Variants in DGCR2 observed in about 807,000 individuals in gnomAD.
DGCR2 encodes integral membrane protein DGCR2/IDD.
DGCR2 carries 24 observed loss-of-function variants against 51.6 expected under a neutral mutation model. That is an observed-to-expected ratio of 0.47 (90% CI 0.34 to 0.65). The LOEUF (loss-of-function observed/expected upper bound fraction) is 0.65, where lower values mean the gene tolerates loss of function less well. Among genes scored for constraint, DGCR2 ranks in the 30% least tolerant of loss-of-function variants. The probability of loss-of-function intolerance (pLI) is 0.01; values close to 1 mark genes in which losing one functional copy is unlikely to be tolerated. For missense variants in DGCR2, 765 were observed against 772.1 expected, an observed-to-expected ratio of 0.99 and a Z score of 0.11; for synonymous variants, 340 against 315.4, an observed-to-expected ratio of 1.08 and a Z score of -0.82.
At chr22:19,093,303 T>G (rs1601276699) in intron 1 of DGCR2, among the ~76,000 whole-genome samples, 1 of 149,118 alleles carries the variant, frequency 6.7e-6, no homozygotes, top group East Asian at 2.0e-4. Context: ...GAGGTTGTGG[T>G]GAGCCGAGAT....
Position 19,062,741 on chromosome 22 carries a change from C to T in DGCR2, c.625+461G>A, listed in dbSNP as rs372749663. On this transcript the variant is annotated intron_variant, in intron 5 of 9. Coordinates refer to ENST00000263196, the MANE Select transcript of DGCR2 (RefSeq NM_005137.3). ...TCGTCTTGGTATTTCCAAGCAGCTC[C>T]GCATAAAATCTTTGCGCACACACAC... 4.1e-5 allele frequency among the ~76,000 whole-genome samples: 6 copies of T among 146,318 alleles called. No individual in the cohort carries two copies. The South Asian group carries it at 1.2e-3, about 28-fold the overall frequency.
chr22:19,102,080 C>T (rs113753756), intron 1 of DGCR2, among the ~76,000 whole-genome samples: 2,550 of 152,090 alleles, frequency 0.017, 74 homozygotes, highest in African/African-American at 0.059. Context: ...TGTGATCAGC[C>T]ATCAGCCATA....
At chr22:19,100,937 T>C (rs1382268216) in intron 1 of DGCR2, among the ~76,000 whole-genome samples, 1 of 151,076 alleles carries the variant, frequency 6.6e-6, no homozygotes, top group East Asian at 2.0e-4. Flanking sequence ...AAACCCTGTA[T>C]CTACCAAAAA....
intron 5 of DGCR2, among the ~76,000 whole-genome samples, chr22:19,062,642 C>T (rs1418712342): frequency 3.3e-5 from 5 of 151,956 alleles, no homozygotes; most frequent in Non-Finnish European, 1.5e-5. Flanking sequence ...AGTGCCAGGG[C>T]AATGGGACAG....
At chr22:19,083,777 T>C (rs1354951049) in intron 2 of DGCR2, among the ~76,000 whole-genome samples, 2 of 142,122 alleles carry the variant, frequency 1.4e-5, no homozygotes, top group Admixed American at 1.4e-4. Context: ...GAGCTGAAGC[T>C]GGACTGTACT....
intron 5 of DGCR2, among the ~76,000 whole-genome samples, chr22:19,062,825 C>T (rs920174716): frequency 3.0e-5 from 4 of 131,506 alleles, no homozygotes; most frequent in Middle Eastern, 3.9e-3. Context: ...TGATAGTTTC[C>T]TTCAGGTCTG....
At chr22:19,091,729 T>G (rs1201975977) in intron 1 of DGCR2, among the ~76,000 whole-genome samples, 1 of 150,940 alleles carries the variant, frequency 6.6e-6, no homozygotes, top group Non-Finnish European at 1.5e-5. Flanking sequence ...CTGGCCAACA[T>G]GGTGAATGGA....
chr22:19,082,056 T>G (rs545498145), intron 2 of DGCR2, among the ~76,000 whole-genome samples: 136 of 83,740 alleles, frequency 1.6e-3, no homozygotes, highest in African/African-American at 4.0e-3. Context: ...TTTTTTGGGG[T>G]TTTTTTTGTT....
intron 1 of DGCR2, among the ~76,000 whole-genome samples, chr22:19,103,205 G>A (rs1015091704): frequency 6.6e-6 from 1 of 151,390 alleles, no homozygotes; most frequent in African/African-American, 2.4e-5. Context: ...AATCTATACA[G>A]ACAGAAATTG....
intron 1 of DGCR2, among the ~76,000 whole-genome samples, chr22:19,101,057 G>A (rs1037853520): frequency 6.6e-6 from 1 of 152,160 alleles, no homozygotes; most frequent in African/African-American, 2.4e-5. Flanking sequence ...TTTGCAGTGA[G>A]CCGAGACTGC....
chr22:19,110,911 G>C (rs970804381), intron 1 of DGCR2, among the ~76,000 whole-genome samples: 1 of 152,162 alleles, frequency 6.6e-6, no homozygotes, highest in South Asian at 2.1e-4. Context: ...GCAGAAATAT[G>C]CAACAGCATT....
At chr22:19,062,987 A>T in intron 5 of DGCR2, among the ~76,000 whole-genome samples, 1 of 152,140 alleles carries the variant, frequency 6.6e-6, no homozygotes, top group Non-Finnish European at 1.5e-5. Context: ...GAGATGCAAC[A>T]GAGGGTTCCA....
chr22:19,058,417 G>A (rs1243909624), intron 5 of DGCR2, among the ~76,000 whole-genome samples: 1 of 152,068 alleles, frequency 6.6e-6, no homozygotes, highest in Non-Finnish European at 1.5e-5. Flanking sequence ...CATACCACCT[G>A]GAGGGCTGGT....
rs1181643005 is a variant in DGCR2 at position 19,080,708 on chromosome 22, C to T, written c.202+8660G>A. On this transcript the variant is annotated intron_variant, in intron 2 of 9. Transcript: ENST00000263196. ...AAAATTAGCTGGGCATGGTGGTACA[C>T]GCCTGTAGTCTCAGCTACTCAGGAG... 2.6e-5 allele frequency among the ~76,000 whole-genome samples: 4 copies of T among 152,264 alleles called. 1 individual carries two copies. Among genetic ancestry groups the T allele is most frequent in the Admixed American group, 1.3e-4 (2 of 15,292 alleles).
intron 2 of DGCR2, among the ~76,000 whole-genome samples, chr22:19,078,773 T>C (rs1658489160): frequency 6.6e-6 from 1 of 152,218 alleles, no homozygotes; most frequent in Non-Finnish European, 1.5e-5. Flanking sequence ...TGCTAGTATT[T>C]TGTTGAGGAT....
At chr22:19,056,769 CTGGGCTCTAAGATGCTTCCG>C (rs1221479191) in intron 6 of DGCR2, among the ~76,000 whole-genome samples, 197 bp downstream of exon 6, 4 of 152,086 alleles carry the variant, frequency 2.6e-5, no homozygotes, top group African/African-American at 9.7e-5. Context: ...GGAAAAGAAG[CTGGGCTCTAAGATGCTTCCG>C]TGGGCTCTAA....
At chr22:19,063,359 T>G in intron 4 of DGCR2, 81 bp from the exon 5 acceptor site, 3 of 1,364,050 alleles carry the variant, frequency 2.2e-6, no homozygotes, top group Non-Finnish European at 3.1e-6. Flanking sequence ...TTTTGTTTTT[T>G]GAGACAGAGT....
At chr22:19,091,191 T>G (rs182362470) in intron 1 of DGCR2, among the ~76,000 whole-genome samples, 15 of 152,146 alleles carry the variant, frequency 9.9e-5, no homozygotes, top group African/African-American at 3.6e-4. Context: ...AAATGCCATC[T>G]CTCTAAAAAT....
chr22:19,055,568 C>G (rs557059704), intron 6 of DGCR2, among the ~76,000 whole-genome samples: 1 of 151,516 alleles, frequency 6.6e-6, no homozygotes, highest in South Asian at 2.1e-4. Flanking sequence ...AAATAAATGT[C>G]AAAGATTTGA....
Sources: allele counts gnomAD v4.1 joint callset (sites outside exome capture counted in the v4.1 genomes callset), GRCh38; gene constraint gnomAD v4.1.1; transcripts MANE v1.5; gene names NCBI Gene and HGNC (gene_info 2026-07-23, HGNC 2026-07-21).